SLC25A48: variants seen among roughly 807,000 people sequenced by gnomAD.
SLC25A48 encodes CTC-321K16.1.
A neutral mutation model predicts 32.2 loss-of-function variants in SLC25A48; 29 were observed. The ratio of observed to expected loss-of-function variants is 0.90; its 90% CI spans 0.67 to 1.23. SLC25A48 has a LOEUF of 1.23. SLC25A48 is among the 50% of genes most tolerant of loss of function. SLC25A48 has a pLI of 0.00. For synonymous variants in SLC25A48, 164 were observed against 172.3 expected (o/e 0.95, Z 0.38); for missense variants, 399 against 422.7 (o/e 0.94, Z 0.49).
intron 1 of SLC25A48, among the ~76,000 whole-genome samples, chr5:135,619,669 A>G (rs963583250): frequency 6.6e-6 from 1 of 152,132 alleles, no homozygotes; most frequent in Non-Finnish European, 1.5e-5. Flanking sequence ...TTTCCTGAAG[A>G]TGCATCTATG....
chr5:135,832,132 G>A (rs574308189), upstream of SLC25A48, among the ~76,000 whole-genome samples: 11 of 152,268 alleles, frequency 7.2e-5, no homozygotes, highest in South Asian at 1.2e-3. Flanking sequence ...AAGATGACCC[G>A]AGCCACCCAG....
chr5:135,842,513 G>A (rs1374834856), intron 2 of SLC25A48, 54 bp downstream of exon 2: 2 of 1,533,240 alleles, frequency 1.3e-6, no homozygotes, highest in Non-Finnish European at 1.8e-6. Flanking sequence ...GAGCTGACCT[G>A]CCTCTGGGAC....
At chr5:135,765,445 C>A (rs987430537) in intron 3 of SLC25A48, among the ~76,000 whole-genome samples, 1 of 151,432 alleles carries the variant, frequency 6.6e-6, no homozygotes, top group African/African-American at 2.4e-5. Context: ...ATATTACTCA[C>A]CATATCGCAG....
Position 135,768,494 on chromosome 5 carries a change from G to A in SLC25A48, c.-520-44029G>A, listed in dbSNP as rs138069731. Among the ~76,000 whole-genome samples, 18 of 151,096 alleles carry A rather than the reference G, an allele frequency of 1.2e-4. No homozygotes were observed. The East Asian group carries it at 2.2e-3, about 18-fold the overall frequency. ...GGGAGTGTACACCTTTCTGTGATAC[G>A]TTTCATAATGTCTGGGGGAGGGGAG... On this transcript the variant is annotated intron_variant, in intron 3 of 10. Transcript: ENST00000646290.
At chr5:135,811,141 C>T (rs2052122) in intron 3 of SLC25A48, among the ~76,000 whole-genome samples, 57,902 of 151,692 alleles carry the variant, frequency 0.38, 11,453 homozygotes, top group African/African-American at 0.5. Context: ...CACTCCAGGA[C>T]TTCCAAACCC....
At chr5:135,615,648 A>C (rs1752169472) in intron 1 of SLC25A48, among the ~76,000 whole-genome samples, 1 of 152,220 alleles carries the variant, frequency 6.6e-6, no homozygotes, top group South Asian at 2.1e-4. Flanking sequence ...GCCGTATGGT[A>C]GAGAAGAAAA....
At chr5:135,792,088 A>G (rs1055542854) in intron 3 of SLC25A48, among the ~76,000 whole-genome samples, 6 of 151,796 alleles carry the variant, frequency 4.0e-5, no homozygotes, top group Admixed American at 3.3e-4. Flanking sequence ...CTAATGTCAC[A>G]GTGGGTGTAC....
At chr5:135,761,712 A>G (rs1478161773) in intron 3 of SLC25A48, among the ~76,000 whole-genome samples, 1 of 152,344 alleles carries the variant, frequency 6.6e-6, no homozygotes, top group Non-Finnish European at 1.5e-5. Flanking sequence ...TGGGAAACAC[A>G]TTCTCTTTCT....
chr5:135,782,261 C>A (rs1347494776), intron 3 of SLC25A48, among the ~76,000 whole-genome samples: 5 of 115,546 alleles, frequency 4.3e-5, no homozygotes, highest in African/African-American at 1.3e-4. Context: ...CCCAATATTG[C>A]AGAGGGTATA....
rs370637058 is a variant in SLC25A48 at position 135,718,317 on chromosome 5, CACATG to C, written c.-521+83365_-521+83369del. On this transcript the variant is annotated intron_variant, in intron 3 of 10. Transcript: ENST00000646290. ...AAAAGTAATAGCCGGGCACTAGGCT[CACATG>C]ACAAAGCCTTTTCCTTGCATCAAGC... Among the ~76,000 whole-genome samples, 272 of 152,250 alleles carry C rather than the reference CACATG, an allele frequency of 1.8e-3. 2 individuals are homozygous for C. The highest frequency in any genetic ancestry group is 6.2e-3 in the African/African-American group (257 of 41,530).
chr5:135,866,085 C>T (rs1466249872), intron 4 of SLC25A48, among the ~76,000 whole-genome samples: 1 of 152,212 alleles, frequency 6.6e-6, no homozygotes, highest in Non-Finnish European at 1.5e-5. Context: ...AAAACCCACA[C>T]ATCCCTGACT....
intron 3 of SLC25A48, among the ~76,000 whole-genome samples, chr5:135,659,062 T>C (rs1753325189): frequency 6.6e-6 from 1 of 152,260 alleles, no homozygotes; most frequent in African/African-American, 2.4e-5. Flanking sequence ...CTTGAGTTTT[T>C]CTCCCATAAA....
At chr5:135,651,692 T>G (rs1396621466) in intron 3 of SLC25A48, among the ~76,000 whole-genome samples, 1 of 152,214 alleles carries the variant, frequency 6.6e-6, no homozygotes. Context: ...TATTAAACTT[T>G]TTTTCTGTTT....
At chr5:135,660,468 A>G (rs571154517) in intron 3 of SLC25A48, among the ~76,000 whole-genome samples, 2 of 152,272 alleles carry the variant, frequency 1.3e-5, no homozygotes, top group African/African-American at 4.8e-5. Context: ...GCCCTCTGCC[A>G]TTTGGATGGA....
chr5:135,580,564 A>C, intron 1 of SLC25A48, among the ~76,000 whole-genome samples: 1 of 152,234 alleles, frequency 6.6e-6, no homozygotes, highest in East Asian at 1.9e-4. Flanking sequence ...AGCAGCGCCT[A>C]TGCGTGCTGT....
intron 2 of SLC25A48, among the ~76,000 whole-genome samples, chr5:135,632,223 G>A (rs1470647561): frequency 1.3e-5 from 2 of 152,202 alleles, no homozygotes; most frequent in African/African-American, 4.8e-5. Context: ...GAGGGCCATG[G>A]GGAGCCACTA....
At position 135,782,496 on chromosome 5, in the gene SLC25A48, A is replaced by G. The variant is rs1295212542; in HGVS notation, c.-520-30027A>G. ...ACTCCTAATATTGCAGGGTGTGTACAACATCCCTGAGATTTTATTCCTAAT... is the reference window on the plus strand; with the variant it reads ...ACTCCTAATATTGCAGGGTGTGTACGACATCCCTGAGATTTTATTCCTAAT... On this transcript the variant is annotated intron_variant, in intron 3 of 10. Coordinates refer to the SLC25A48 transcript ENST00000646290. Among the ~76,000 whole-genome samples the G allele has an allele frequency of 8.5e-5, 10 of 117,034 alleles. 2 individuals carry two copies. The highest frequency in any genetic ancestry group is 2.6e-4 in the African/African-American group (10 of 38,476). The allele number at this position is 117,034 out of a possible 152,430, so 76.8% of individuals were successfully genotyped here.
intron 6 of SLC25A48, among the ~76,000 whole-genome samples, chr5:135,876,596 C>T (rs1022529468): frequency 1.3e-5 from 2 of 152,138 alleles, no homozygotes; most frequent in South Asian, 2.1e-4. Context: ...TATACTATCT[C>T]GATGCCCTGC....
intron 3 of SLC25A48, among the ~76,000 whole-genome samples, chr5:135,683,193 T>C (rs1400052884): frequency 6.6e-6 from 1 of 152,158 alleles, no homozygotes; most frequent in Non-Finnish European, 1.5e-5. Context: ...CTACTATTGG[T>C]TTAATCAGTA....
Sources: gnomAD v4.1 joint callset for allele counts (sites outside exome capture counted in the v4.1 genomes callset) on GRCh38, gnomAD v4.1.1 for gene constraint, MANE v1.5 for transcripts, NCBI Gene and HGNC (gene_info 2026-07-23, HGNC 2026-07-21) for gene names.